CEP350: variants seen among roughly 807,000 people sequenced by gnomAD.
CEP350 encodes the protein centrosomal protein 350.
CEP350 carries 126 observed loss-of-function variants against 331.8 expected under a neutral mutation model. That is an observed-to-expected ratio of 0.38 (90% CI 0.33 to 0.44). The LOEUF (loss-of-function observed/expected upper bound fraction) is 0.44. CEP350 is among the 20% of genes least tolerant of loss of function. CEP350 has a pLI of 1.00. For synonymous variants in CEP350, 1,200 were observed against 1,259.5 expected (o/e 0.95, Z 1.00); for missense variants, 3,406 against 3,634.6 (o/e 0.94, Z 1.62).
chr1:179,985,348 G>A lies in CEP350; in HGVS notation c.-13-821G>A, dbSNP rs1652576510. ...ATCAGATTTCCTTCCTTTTAAGGCTGAATAATATTCTATTTTATATATAAA... is the reference window on the plus strand; with the variant it reads ...ATCAGATTTCCTTCCTTTTAAGGCTAAATAATATTCTATTTTATATATAAA... On this transcript the variant is annotated intron_variant, in intron 1 of 37. Transcript: ENST00000367607. Among the ~76,000 whole-genome samples, 3 of 152,090 alleles carry A rather than the reference G, an allele frequency of 2.0e-5. No individual in the cohort carries two copies. In the South Asian group the frequency reaches 6.2e-4, roughly 32 times the overall value.
chr1:180,109,421 T>A lies in CEP350; in HGVS notation c.9190-1576T>A, dbSNP rs1319192369. On this transcript the variant is annotated intron_variant, in intron 37 of 37. Coordinates refer to ENST00000367607, the MANE Select transcript of CEP350 (RefSeq NM_014810.5). ...GCTTGAGCCACCGCGCTCGGCCCAC[T>A]TTCTCTGCTTTTTTAAAGATGAAAC... 2.0e-5 allele frequency among the ~76,000 whole-genome samples: 3 copies of A among 151,232 alleles called. No homozygotes were observed. In the East Asian group the frequency reaches 6.0e-4, roughly 30 times the overall value.
At chr1:180,090,926 T>A in intron 33 of CEP350, 130 bp downstream of exon 33, 1 of 745,986 alleles carries the variant, frequency 1.3e-6, no homozygotes, top group Non-Finnish European at 1.9e-6. Context: ...TTTAACATTT[T>A]AAAGTTACTT....
At chr1:180,043,868 G>C (rs952662221) in intron 20 of CEP350, among the ~76,000 whole-genome samples, 183 bp from the exon 21 acceptor site, 15 of 151,636 alleles carry the variant, frequency 9.9e-5, no homozygotes, top group Non-Finnish European at 1.9e-4. Context: ...TACATTCATT[G>C]ATACTAGGAG....
intron 6 of CEP350, among the ~76,000 whole-genome samples, chr1:179,999,784 C>T (rs1653739069): frequency 2.0e-5 from 3 of 152,026 alleles, no homozygotes; most frequent in Non-Finnish European, 1.5e-5. Context: ...TTATTTTCTT[C>T]CTCTTTTTAT....
chr1:179,967,770 G>A (rs181088705), intron 1 of CEP350, among the ~76,000 whole-genome samples: 3 of 152,138 alleles, frequency 2.0e-5, no homozygotes, highest in African/African-American at 7.2e-5. Flanking sequence ...TTTTATGAAA[G>A]AATTTATTTT....
At chr1:180,012,140 G>A in intron 9 of CEP350, 65 bp downstream of exon 9, 1 of 1,360,198 alleles carries the variant, frequency 7.4e-7, no homozygotes, top group Non-Finnish European at 1.0e-6. Flanking sequence ...ACTTAGAGAA[G>A]GAAAAAGTAC....
intron 27 of CEP350, among the ~76,000 whole-genome samples, chr1:180,065,476 T>C (rs1443667301): frequency 1.3e-5 from 2 of 152,078 alleles, no homozygotes; most frequent in African/African-American, 2.4e-5. Context: ...AGCAGGTTTC[T>C]TACTTTAAAA....
chr1:180,023,282 GA>G (rs147790621), intron 13 of CEP350, among the ~76,000 whole-genome samples: 11,510 of 150,768 alleles, frequency 0.076, 614 homozygotes, highest in African/African-American at 0.16. Flanking sequence ...AAAAAAGAAA[GA>G]AAAAAAAATC....
rs376724476 is a variant in CEP350, at chr1:180,094,075, T to G, written c.7970T>G (p.Val2657Gly). The G allele has an allele frequency of 9.9e-6, 16 of 1,613,826 alleles. No homozygotes were observed. Among genetic ancestry groups the G allele is most frequent in the Non-Finnish European group, 1.3e-5 (15 of 1,179,880 alleles). The change falls in exon 34 of 38, where the codon GTG (valine) becomes GGG (glycine). Residue 2657 changes from valine to glycine, a missense_variant. By Grantham distance (109) the Val-to-Gly change is moderately radical. This residue lies in a region of CEP350 where 1,415 missense variants were observed against 1,512.3 expected (regional missense o/e 0.94). Coordinates refer to ENST00000367607, the MANE Select transcript of CEP350 (RefSeq NM_014810.5). Reference protein sequence around the residue: ...LEAHVHQQSSVDSQISSKENK... With the variant: ...LEAHVHQQSSGDSQISSKENK... ...GCCCATGTTCACCAGCAGTCTTCAG[T>G]GGATTCACAGATTTCTTCAAAGGAA...
At chr1:180,061,556 T>C (rs1386664386) in intron 25 of CEP350, among the ~76,000 whole-genome samples, 2 of 152,194 alleles carry the variant, frequency 1.3e-5, no homozygotes, top group Admixed American at 6.5e-5. Flanking sequence ...TTTTGACAAT[T>C]ATTAGCAGTG....
chr1:179,982,631 A>C (rs915976657), intron 1 of CEP350, among the ~76,000 whole-genome samples: 1 of 152,222 alleles, frequency 6.6e-6, no homozygotes, highest in African/African-American at 2.4e-5. Context: ...GAAAATTGAT[A>C]ATCACTATAT....
chr1:180,068,725 A>G (rs1658699857), intron 27 of CEP350, among the ~76,000 whole-genome samples: 1 of 152,198 alleles, frequency 6.6e-6, no homozygotes, highest in Non-Finnish European at 1.5e-5. Flanking sequence ...TATTAATTAT[A>G]CACTTACTCT....
chr1:180,032,077 CTTGCGTACTGTTT>C (rs1656061040), intron 15 of CEP350, among the ~76,000 whole-genome samples: 1 of 152,038 alleles, frequency 6.6e-6, no homozygotes, highest in Admixed American at 6.6e-5. Flanking sequence ...GATTATGGAG[CTTGCGTACTGTTT>C]TTTCTCTTCT....
intron 21 of CEP350, among the ~76,000 whole-genome samples, chr1:180,047,626 G>A (rs1657210006): frequency 6.6e-6 from 1 of 151,866 alleles, no homozygotes; most frequent in African/African-American, 2.4e-5. Context: ...GCCAGGTGTT[G>A]TGGCACATGC....
chr1:180,048,601 A>G lies in CEP350; in HGVS notation c.4688A>G (p.Lys1563Arg). The change falls in exon 22 of 38, where the codon AAA becomes AGA. Residue 1563 changes from lysine (K) to arginine (R), a missense_variant. Physicochemically the swap from Lys to Arg is conservative, Grantham distance 26 (BLOSUM62 2). Coordinates refer to ENST00000367607, the MANE Select transcript of CEP350 (RefSeq NM_014810.5). Reference protein sequence around the residue: ...SVPSCKENEKKLNGEKIESSI... With the variant: ...SVPSCKENEKRLNGEKIESSI... Reference sequence around the variant, plus strand: ...CCATCTTGTAAGGAAAATGAGAAGAAACTTAATGGTGAAAAGATAGAGAGT... The same window carrying G: ...CCATCTTGTAAGGAAAATGAGAAGAGACTTAATGGTGAAAAGATAGAGAGT... The G allele has an allele frequency of 6.2e-7, 1 of 1,610,858 alleles. No homozygotes were observed.
intron 14 of CEP350, among the ~76,000 whole-genome samples, chr1:180,027,982 C>T: frequency 6.6e-6 from 1 of 152,098 alleles, no homozygotes. Context: ...AATCATTAAC[C>T]TAATATAAAC....
chr1:180,011,504 C>T (rs779369494), intron 8 of CEP350, among the ~76,000 whole-genome samples: 6 of 151,988 alleles, frequency 3.9e-5, no homozygotes, highest in African/African-American at 7.3e-5. Flanking sequence ...CAGTGGGGTG[C>T]GATCTCAGCT....
intron 1 of CEP350, among the ~76,000 whole-genome samples, chr1:179,977,111 G>C (rs2148626493): frequency 6.6e-6 from 1 of 152,278 alleles, no homozygotes; most frequent in African/African-American, 2.4e-5. Flanking sequence ...TTCCGGGACT[G>C]GATAGGATGC....
intron 5 of CEP350, among the ~76,000 whole-genome samples, chr1:179,995,999 C>T (rs531261327): frequency 9.2e-5 from 14 of 152,258 alleles, no homozygotes; most frequent in East Asian, 3.9e-4. Context: ...TAGCAAATAA[C>T]ACGTTTTATT....
Sources: gnomAD v4.1 joint callset for allele counts (sites outside exome capture counted in the v4.1 genomes callset) on GRCh38, gnomAD v4.1.1 for gene constraint, gnomAD v4.1.1 regional missense constraint, MANE v1.5 for transcripts, NCBI Gene and HGNC (gene_info 2026-07-23, HGNC 2026-07-21) for gene names.